The following POLN variants were observed in gnomAD, a reference collection of about 807,000 sequenced individuals.
POLN encodes DNA polymerase N.
In POLN, 108 loss-of-function variants were observed where a neutral mutation model predicts 113.5. That is an observed-to-expected ratio of 0.95 (90% CI 0.81 to 1.12). POLN has a LOEUF of 1.12. Among genes scored for constraint, POLN ranks in the 50% most tolerant of loss-of-function variants. The pLI, the probability that POLN is intolerant of heterozygous loss-of-function variation, is 0.00. For missense variants in POLN, 1,097 were observed against 1,077.1 expected, an observed-to-expected ratio of 1.02 and a Z score of -0.26; for synonymous variants, 386 against 391.5, an observed-to-expected ratio of 0.99 and a Z score of 0.17.
chr4:2,195,658 A>T (rs990900251), intron 6 of POLN, among the ~76,000 whole-genome samples: 1 of 151,738 alleles, frequency 6.6e-6, no homozygotes, highest in Non-Finnish European at 1.5e-5. Flanking sequence ...TAATTTTTAA[A>T]TTTTTTGTAG....
chr4:2,090,218 C>A, intron 20 of POLN: 1 of 816,354 alleles, frequency 1.2e-6, no homozygotes, highest in East Asian at 2.5e-5. Flanking sequence ...ATACTCTTCC[C>A]TCATTCTTGT....
In POLN at chr4:2,071,946, C is replaced by A; in HGVS notation, c.*168G>T. 1.2e-6 allele frequency: 1 copy of A among 811,606 alleles called. No homozygotes were observed. The highest frequency in any genetic ancestry group is 1.4e-5 in the South Asian group (1 of 70,290). The allele number at this position is 811,606 out of a possible 1,614,324, so 50.3% of individuals were successfully genotyped here. A position where few individuals can be genotyped will look rare whatever the true frequency, so the allele number is the denominator to read the frequency against. On this transcript the variant is annotated 3_prime_UTR_variant, in exon 26 of 26. Coordinates refer to ENST00000511885, the MANE Select transcript of POLN (RefSeq NM_181808.4). The surrounding 1 kb of genome is among the most constrained non-coding windows in gnomAD (Gnocchi z 5.2). ...TTCCCACTCACAGGAAGAATTCACT[C>A]AGACAAGGATGAGGAGGGCTTTGCA...
intron 13 of POLN, among the ~76,000 whole-genome samples, chr4:2,162,354 G>C (rs1036500140): frequency 6.6e-6 from 1 of 151,452 alleles, no homozygotes; most frequent in Non-Finnish European, 1.5e-5. Context: ...CTGAGCCAGC[G>C]AGACCACGAA....
intron 23 of POLN, chr4:2,080,361 G>C (rs1730377006): frequency 8.7e-6 from 8 of 922,464 alleles, no homozygotes; most frequent in Non-Finnish European, 1.0e-5. Context: ...GGGCAGCCAG[G>C]GCGGAGCCCC....
At chr4:2,131,943 T>C (rs1456459993) in intron 16 of POLN, among the ~76,000 whole-genome samples, 4 of 152,216 alleles carry the variant, frequency 2.6e-5, no homozygotes, top group Non-Finnish European at 4.4e-5. Flanking sequence ...TGGACAATAA[T>C]ACCCTGCTTT....
At chr4:2,204,356 T>C (rs1396786662) in intron 5 of POLN, among the ~76,000 whole-genome samples, 1 of 152,126 alleles carries the variant, frequency 6.6e-6, no homozygotes, top group East Asian at 1.9e-4. Flanking sequence ...ATGGATAAAT[T>C]CTTGGAAAGA....
At position 2,242,047 on chromosome 4, in the gene POLN, T is replaced by C. The variant is rs1735009935; in HGVS notation, c.-284+4A>G. ...CGCCCAGAACCGAGGCCCGCGTCAG[T>C]CACCTCAGGAAGTTCCGCTTGCTTC... On this transcript the variant is annotated splice_donor_region_variant and intron_variant, in intron 1 of 25. Coordinates refer to ENST00000511885, the MANE Select transcript of POLN (RefSeq NM_181808.4). 3.0e-6 allele frequency: 3 copies of C among 985,580 alleles called. No individual in the cohort carries two copies. The highest frequency in any genetic ancestry group is 1.1e-4 in the East Asian group (1 of 8,812). 61.1% of individuals were successfully genotyped at this position (985,580 alleles called of 1,614,324 possible).
chr4:2,150,233 A>G (rs1450318874), intron 16 of POLN, among the ~76,000 whole-genome samples: 1 of 152,188 alleles, frequency 6.6e-6, no homozygotes, highest in Admixed American at 6.5e-5. Context: ...GTTATTTAAC[A>G]TTAATATTAA....
At chr4:2,205,264 C>T (rs933226822) in intron 5 of POLN, among the ~76,000 whole-genome samples, 3 of 152,166 alleles carry the variant, frequency 2.0e-5, no homozygotes, top group Non-Finnish European at 2.9e-5. Context: ...AATTAAGGTA[C>T]ACAAATCAGT....
At chr4:2,080,251 G>A (rs1730373897) in intron 23 of POLN, 17 of 988,006 alleles carry the variant, frequency 1.7e-5, no homozygotes, top group Non-Finnish European at 2.0e-5. Flanking sequence ...AGGTGGCTGG[G>A]CGAGGGCTGC....
chr4:2,122,876 G>A (rs1181271906), intron 19 of POLN, among the ~76,000 whole-genome samples: 1 of 152,180 alleles, frequency 6.6e-6, no homozygotes, highest in East Asian at 1.9e-4. Context: ...ACACAGACCA[G>A]GGGCGGTAGC....
chr4:2,211,909 G>A (rs1249066340), intron 4 of POLN, among the ~76,000 whole-genome samples: 1 of 152,130 alleles, frequency 6.6e-6, no homozygotes. Flanking sequence ...AGCACAGTCT[G>A]TTCACCACTG....
At position 2,234,478 on chromosome 4, in the gene POLN, C is replaced by T. The variant is rs79501913; in HGVS notation, c.-12-5235G>A. 7.1e-3 allele frequency: 1,092 copies of T among 153,734 alleles called. 20 individuals carry two copies. Among genetic ancestry groups the T allele is most frequent in the South Asian group, 0.028 (135 of 4,850 alleles). 9.5% of individuals were successfully genotyped at this position (153,734 alleles called of 1,614,324 possible). ...CCTTGGTCTTGACCTGGGACAAAGGCACGTTTCCTGGGAAAATCAGAACTG... is the reference window on the plus strand; with the variant it reads ...CCTTGGTCTTGACCTGGGACAAAGGTACGTTTCCTGGGAAAATCAGAACTG... On this transcript the variant is annotated intron_variant, in intron 2 of 25. Transcript: ENST00000511885.
chr4:2,159,406 G>C (rs1043415587), intron 13 of POLN, among the ~76,000 whole-genome samples, 195 bp from the exon 14 acceptor site: 4 of 152,060 alleles, frequency 2.6e-5, no homozygotes, highest in Non-Finnish European at 5.9e-5. Flanking sequence ...TGTCTACATG[G>C]GCACTAAAAA....
chr4:2,179,962 C>A (rs897906662), intron 7 of POLN, among the ~76,000 whole-genome samples: 1 of 152,206 alleles, frequency 6.6e-6, no homozygotes, highest in Non-Finnish European at 1.5e-5. Context: ...TGAGCACACA[C>A]GACACCCTCG....
At chr4:2,176,399 G>T in intron 8 of POLN, 65 bp from the exon 9 acceptor site, 1 of 1,239,590 alleles carries the variant, frequency 8.1e-7, no homozygotes, top group Admixed American at 2.4e-5. Flanking sequence ...ACCACAGTCT[G>T]TAACTGACAT....
In POLN at chr4:2,126,891, C is replaced by T. The variant is rs531498600; in HGVS notation, c.1982+1222G>A. Among the ~76,000 whole-genome samples, 11 of 152,228 alleles carry T rather than the reference C, an allele frequency of 7.2e-5. No individual in the cohort carries two copies. In the South Asian group the frequency reaches 2.1e-3, roughly 29 times the overall value. On this transcript the variant is annotated intron_variant, in intron 19 of 25. Transcript: ENST00000511885. This position sits in a 1 kb window ranked among gnomAD's most constrained non-coding sequence, Gnocchi z 4.6. Reference sequence around the variant, plus strand: ...CAGGCCAGAGAGCAGCCAGAGCCCTCGCAGGTCCCCCGCCTTCAGCAAAGA... The same window carrying T: ...CAGGCCAGAGAGCAGCCAGAGCCCTTGCAGGTCCCCCGCCTTCAGCAAAGA...
intron 16 of POLN, among the ~76,000 whole-genome samples, chr4:2,155,712 C>T (rs1002281098): frequency 2.0e-5 from 3 of 152,024 alleles, no homozygotes; most frequent in Non-Finnish European, 2.9e-5. Flanking sequence ...AAATAATTCA[C>T]ATATTTAATT....
chr4:2,130,184 T>C (rs1301946682), intron 17 of POLN, among the ~76,000 whole-genome samples: 1 of 151,358 alleles, frequency 6.6e-6, no homozygotes, highest in Non-Finnish European at 1.5e-5. Context: ...AGGCGGAGGA[T>C]GCAGTGAGCT....
Sources: allele counts gnomAD v4.1 joint callset (sites outside exome capture counted in the v4.1 genomes callset), GRCh38; gene constraint gnomAD v4.1.1; non-coding constraint Gnocchi (gnomAD v3.1); transcripts MANE v1.5; gene names NCBI Gene and HGNC (gene_info 2026-07-23, HGNC 2026-07-21).